The following BNC2 variants were observed in gnomAD, a reference collection of about 807,000 sequenced individuals.
BNC2 encodes basonuclin zinc finger protein 2.
In BNC2, 20 loss-of-function variants were observed where a neutral mutation model predicts 76.3. That is an observed-to-expected ratio of 0.26 (90% CI 0.18 to 0.38). The LOEUF is 0.38. Among genes scored for constraint, BNC2 ranks in the 10% least tolerant of loss-of-function variants. The pLI, the probability that BNC2 is intolerant of heterozygous loss-of-function variation, is 1.00. For synonymous variants in BNC2, 582 were observed against 514.8 expected (o/e 1.13, Z -1.77); for missense variants, 1,382 against 1,399.8 (o/e 0.99, Z 0.20).
Position 16,732,235 on chromosome 9 carries a change from C to T in BNC2, c.130-4238G>A, listed in dbSNP as rs185977452. Among the ~76,000 whole-genome samples the T allele has an allele frequency of 3.4e-5, 5 of 149,218 alleles. No individual in the cohort carries two copies. The South Asian group carries it at 6.3e-4, about 19-fold the overall frequency. On this transcript the variant is annotated intron_variant, in intron 2 of 6. Coordinates refer to ENST00000380672, the MANE Select transcript of BNC2 (RefSeq NM_017637.6). Reference sequence around the variant, plus strand: ...ATCAGCCACAATGAATACATGAAAACGCAAGTGAGCAAAGAATTTTGTTTT... The same window carrying T: ...ATCAGCCACAATGAATACATGAAAATGCAAGTGAGCAAAGAATTTTGTTTT...
At chr9:16,863,985 T>G (rs904859254) in intron 1 of BNC2, among the ~76,000 whole-genome samples, 1 of 152,204 alleles carries the variant, frequency 6.6e-6, no homozygotes, top group Non-Finnish European at 1.5e-5. Flanking sequence ...TACCATTTTC[T>G]ATTCAAGTGT....
chr9:16,669,718 C>A (rs1398527542), intron 3 of BNC2, among the ~76,000 whole-genome samples: 3 of 152,198 alleles, frequency 2.0e-5, no homozygotes, highest in Non-Finnish European at 4.4e-5. Context: ...TCTTCTCTAA[C>A]TGCTTAAATT....
chr9:16,427,061 T>C (rs1302467095), intron 6 of BNC2, among the ~76,000 whole-genome samples: 2 of 152,340 alleles, frequency 1.3e-5, no homozygotes, highest in African/African-American at 2.4e-5. Context: ...CTGGTGCTTA[T>C]ATCTCATTTG....
At chr9:16,586,682 T>C (rs779220133) in intron 3 of BNC2, among the ~76,000 whole-genome samples, 2 of 152,178 alleles carry the variant, frequency 1.3e-5, no homozygotes, top group Non-Finnish European at 2.9e-5. Flanking sequence ...TTTGGCAACT[T>C]CACGCCCTCC....
intron 1 of BNC2, among the ~76,000 whole-genome samples, chr9:16,783,342 A>G (rs1826203223): frequency 6.6e-6 from 1 of 151,952 alleles, no homozygotes; most frequent in African/African-American, 2.4e-5. Flanking sequence ...TAAACCTAAA[A>G]CCTCCTCCAG....
rs140694690 is a variant in BNC2, at chr9:16,435,823, A to G, written c.2371T>C (p.Tyr791His). ...GCACCCCCACCATTGTACAGTCCAT[A>G]CTGGCTCATGTAAAACATGTCGTAA... ...PTYDMFYMSQ[Y>H]GLYNGGGASM... The change falls in exon 6 of 7, where the codon TAT (tyrosine) becomes CAT (histidine). Residue 791 changes from tyrosine to histidine, a missense_variant. Tyr to His is a moderately conservative substitution (Grantham distance 83). This residue lies in a region of BNC2 where 798 missense variants were observed against 775.5 expected (regional missense o/e 1.03). Transcript: ENST00000380672. 8.1e-5 allele frequency: 131 copies of G among 1,614,120 alleles called. No homozygotes were observed. In the East Asian group the frequency reaches 2.8e-3, roughly 34 times the overall value.
intron 4 of BNC2, among the ~76,000 whole-genome samples, chr9:16,580,509 G>GA (rs1819603957): frequency 1.3e-5 from 2 of 152,176 alleles, no homozygotes; most frequent in African/African-American, 4.8e-5. Flanking sequence ...CAAGTTGGGT[G>GA]AAAAATGACA....
intron 3 of BNC2, among the ~76,000 whole-genome samples, chr9:16,641,896 T>C (rs1229156209): frequency 1.3e-5 from 2 of 152,228 alleles, no homozygotes; most frequent in Non-Finnish European, 2.9e-5. Context: ...CCATGTAAGA[T>C]GATGCTATTT....
chr9:16,742,249 T>G (rs542542641), intron 1 of BNC2, among the ~76,000 whole-genome samples: 6 of 152,242 alleles, frequency 3.9e-5, no homozygotes, highest in African/African-American at 1.4e-4. Flanking sequence ...CCTATGTGAT[T>G]TGAACAAAGG....
intron 5 of BNC2, among the ~76,000 whole-genome samples, chr9:16,511,420 CTTT>C (rs758039548): frequency 1.4e-5 from 1 of 69,478 alleles, no homozygotes. Flanking sequence ...AATAAATTTA[CTTT>C]TTTTTTTTTT....
chr9:16,842,582 G>C (rs762440185), intron 1 of BNC2, among the ~76,000 whole-genome samples: 1 of 152,098 alleles, frequency 6.6e-6, no homozygotes, highest in Non-Finnish European at 1.5e-5. Context: ...AGCCTTGTGA[G>C]TATACTAAAA....
intron 3 of BNC2, among the ~76,000 whole-genome samples, chr9:16,653,777 A>T (rs998248212): frequency 6.6e-6 from 1 of 152,134 alleles, no homozygotes; most frequent in Admixed American, 6.5e-5. Flanking sequence ...GAAAAGAATC[A>T]ATACTTTTGG....
At chr9:16,846,063 C>G (rs1030224250) in intron 1 of BNC2, among the ~76,000 whole-genome samples, 2 of 151,266 alleles carry the variant, frequency 1.3e-5, no homozygotes, top group Admixed American at 6.6e-5. Context: ...TGGCGTGAAC[C>G]CAGGAGACGG....
chr9:16,518,842 C>T (rs1817522803), intron 5 of BNC2, among the ~76,000 whole-genome samples: 1 of 152,170 alleles, frequency 6.6e-6, no homozygotes, highest in Non-Finnish European at 1.5e-5. Context: ...CTCAGGCAAT[C>T]CACCTGCCTC....
chr9:16,726,452 T>C (rs1824320458), intron 3 of BNC2, among the ~76,000 whole-genome samples: 1 of 151,836 alleles, frequency 6.6e-6, no homozygotes, highest in Non-Finnish European at 1.5e-5. Flanking sequence ...TTTCTAAACT[T>C]GTAGTAGTTT....
chr9:16,829,703 T>C (rs1818536754), intron 1 of BNC2, among the ~76,000 whole-genome samples: 1 of 152,188 alleles, frequency 6.6e-6, no homozygotes, highest in African/African-American at 2.4e-5. Context: ...ACTTGTTAAA[T>C]ATTTGCTGAT....
intron 1 of BNC2, chr9:16,867,495 G>C (rs1225397009): frequency 1.3e-5 from 2 of 152,086 alleles, no homozygotes; most frequent in African/African-American, 4.8e-5. Flanking sequence ...AAGTGAATGT[G>C]AACAGTACTA....
At chr9:16,458,318 C>G (rs541098691) in intron 5 of BNC2, among the ~76,000 whole-genome samples, 7 of 152,298 alleles carry the variant, frequency 4.6e-5, no homozygotes, top group Admixed American at 2.6e-4. Context: ...CCAAAAGAGG[C>G]TGCTGGTCCA....
rs572507616 is a variant in BNC2 at position 16,807,158 on chromosome 9, T to C, written c.3+63488A>G. ...TGTTTTTAAGTTTTAGTATCCTTCTTGTTTGAAACCACCTGACAACTTACC... is the reference window on the plus strand; with the variant it reads ...TGTTTTTAAGTTTTAGTATCCTTCTCGTTTGAAACCACCTGACAACTTACC... On this transcript the variant is annotated intron_variant, in intron 1 of 6. Coordinates refer to ENST00000380672, the MANE Select transcript of BNC2 (RefSeq NM_017637.6). Among the ~76,000 whole-genome samples the C allele has an allele frequency of 1.6e-4, 24 of 152,348 alleles. 1 individual carries two copies. The highest frequency in any genetic ancestry group is 9.8e-4 in the Admixed American group (15 of 15,302).
Sources: gnomAD v4.1 joint callset for allele counts (sites outside exome capture counted in the v4.1 genomes callset) on GRCh38, gnomAD v4.1.1 for gene constraint, gnomAD v4.1.1 regional missense constraint, MANE v1.5 for transcripts, NCBI Gene and HGNC (gene_info 2026-07-23, HGNC 2026-07-21) for gene names.